Variants in GALNTL6 observed in about 807,000 individuals in gnomAD.
GALNTL6 encodes the protein polypeptide N-acetylgalactosaminyltransferase like 6, also known as polypeptide N-acetylgalactosaminyltransferase-like 6.
A neutral mutation model predicts 73.7 loss-of-function variants in GALNTL6; 46 were observed. The observed-to-expected ratio is 0.62, with a 90% CI of 0.49 to 0.80. GALNTL6 has a LOEUF of 0.80. Ranked by LOEUF, GALNTL6 falls within the 30% of genes least tolerant of loss-of-function variation. The pLI, the probability that GALNTL6 is intolerant of heterozygous loss-of-function variation, is 0.00. For synonymous variants in GALNTL6, 259 were observed against 263.7 expected, an observed-to-expected ratio of 0.98 and a Z score of 0.17; for missense variants, 604 against 755.0, an observed-to-expected ratio of 0.80 and a Z score of 2.34.
intron 5 of GALNTL6, among the ~76,000 whole-genome samples, chr4:172,645,236 A>T (rs1300818745): frequency 1.3e-5 from 2 of 151,930 alleles, no homozygotes; most frequent in Non-Finnish European, 2.9e-5. Flanking sequence ...TTCTTTATTA[A>T]TTCTCTTGAA....
chr4:172,419,668 G>A (rs1730981814), intron 5 of GALNTL6, among the ~76,000 whole-genome samples: 1 of 152,108 alleles, frequency 6.6e-6, no homozygotes, highest in Non-Finnish European at 1.5e-5. Context: ...TGAGAAGTGA[G>A]GACGACATAC....
chr4:172,261,168 C>T (rs1738245415), intron 3 of GALNTL6, among the ~76,000 whole-genome samples: 1 of 151,418 alleles, frequency 6.6e-6, no homozygotes, highest in Admixed American at 6.6e-5. Flanking sequence ...AGAATAGCTT[C>T]AGTAAGATTG....
intron 2 of GALNTL6, among the ~76,000 whole-genome samples, chr4:172,059,180 T>C (rs929968143): frequency 5.9e-5 from 9 of 152,216 alleles, no homozygotes; most frequent in Non-Finnish European, 1.2e-4. Context: ...GGTTTGCTTC[T>C]GCTCGTTTAC....
At chr4:171,829,462 C>G (rs495911) in intron 2 of GALNTL6, among the ~76,000 whole-genome samples, 42,441 of 152,006 alleles carry the variant, frequency 0.28, 6,152 homozygotes, top group Middle Eastern at 0.36. Flanking sequence ...TGATATGCAC[C>G]CACATCCAAT....
At chr4:172,257,197 G>A (rs1240915678) in intron 3 of GALNTL6, among the ~76,000 whole-genome samples, 1 of 151,218 alleles carries the variant, frequency 6.6e-6, no homozygotes, top group African/African-American at 2.4e-5. Flanking sequence ...TTGAAAAATG[G>A]CTTGTGTAGT....
At chr4:172,896,333 C>T (rs1746329027) in intron 8 of GALNTL6, among the ~76,000 whole-genome samples, 3 of 152,226 alleles carry the variant, frequency 2.0e-5, no homozygotes, top group Admixed American at 2.0e-4. Flanking sequence ...ATAATCACTG[C>T]AGCCATTTCA....
At chr4:172,973,151 C>T (rs891713954) in intron 10 of GALNTL6, among the ~76,000 whole-genome samples, 2 of 152,160 alleles carry the variant, frequency 1.3e-5, no homozygotes, top group African/African-American at 4.8e-5. Context: ...AAATGGTCCT[C>T]ATTAGATAAT....
At chr4:172,051,487 T>C (rs1730861029) in intron 2 of GALNTL6, among the ~76,000 whole-genome samples, 1 of 152,060 alleles carries the variant, frequency 6.6e-6, no homozygotes, top group Non-Finnish European at 1.5e-5. Context: ...GGAGCTGGAA[T>C]GGGGATGGGG....
Position 173,027,964 on chromosome 4 carries a change from G to A in GALNTL6, c.1638+6339G>A, listed in dbSNP as rs557988456. Among the ~76,000 whole-genome samples, 14 of 152,216 alleles carry A rather than the reference G, an allele frequency of 9.2e-5. 1 individual carries two copies. In the East Asian group the frequency reaches 1.5e-3, roughly 17 times the overall value. On this transcript the variant is annotated intron_variant, in intron 12 of 12. Coordinates refer to ENST00000506823, the MANE Select transcript of GALNTL6 (RefSeq NM_001034845.3). ...AAAGCACAAAATAGGAATAAATCAC[G>A]GCAAAGATGTGAAAGACTTTTATGC...
At chr4:172,437,840 A>G (rs1731688700) in intron 5 of GALNTL6, among the ~76,000 whole-genome samples, 1 of 152,104 alleles carries the variant, frequency 6.6e-6, no homozygotes. Flanking sequence ...TCTGAGTCCC[A>G]GAATTTTTAT....
At chr4:172,299,151 G>T (rs1256944938) in intron 3 of GALNTL6, among the ~76,000 whole-genome samples, 1 of 152,310 alleles carries the variant, frequency 6.6e-6, no homozygotes, top group African/African-American at 2.4e-5. Context: ...TAGTTTATTT[G>T]TGTAGAGGTG....
At chr4:172,871,534 AT>A (rs1744930980) in intron 7 of GALNTL6, among the ~76,000 whole-genome samples, 1 of 150,932 alleles carries the variant, frequency 6.6e-6, no homozygotes, top group Non-Finnish European at 1.5e-5. Context: ...CAGGCTTCAC[AT>A]TCACACTTTT....
intron 5 of GALNTL6, among the ~76,000 whole-genome samples, chr4:172,454,765 T>A (rs1169356218): frequency 6.6e-6 from 1 of 152,222 alleles, no homozygotes; most frequent in Non-Finnish European, 1.5e-5. Context: ...TCAGACTAGT[T>A]CAAATAGTCT....
intron 5 of GALNTL6, among the ~76,000 whole-genome samples, chr4:172,681,198 G>A (rs1168237362): frequency 1.3e-5 from 2 of 152,030 alleles, no homozygotes; most frequent in African/African-American, 2.4e-5. Flanking sequence ...AACCTCCCCA[G>A]GTTTGTTCCT....
intron 2 of GALNTL6, among the ~76,000 whole-genome samples, chr4:172,193,217 G>T (rs1016741118): frequency 5.3e-5 from 8 of 152,204 alleles, no homozygotes; most frequent in African/African-American, 1.7e-4. Flanking sequence ...TCCTGACTGG[G>T]TGAGACCCCC....
chr4:172,038,767 G>T (rs1169555404), intron 2 of GALNTL6, among the ~76,000 whole-genome samples: 1 of 152,080 alleles, frequency 6.6e-6, no homozygotes, highest in African/African-American at 2.4e-5. Flanking sequence ...TTTTTAAATG[G>T]ATAAGTGAAA....
At chr4:172,612,399 G>A (rs995659366) in intron 5 of GALNTL6, among the ~76,000 whole-genome samples, 3 of 152,066 alleles carry the variant, frequency 2.0e-5, no homozygotes, top group African/African-American at 7.2e-5. Flanking sequence ...TATAGTCTTG[G>A]AGCACATTAA....
At chr4:171,852,162 A>C (rs923931839) in intron 2 of GALNTL6, among the ~76,000 whole-genome samples, 3 of 152,196 alleles carry the variant, frequency 2.0e-5, no homozygotes, top group South Asian at 2.1e-4. Context: ...TTCAATTAAC[A>C]AGTTAGATTT....
intron 4 of GALNTL6, among the ~76,000 whole-genome samples, chr4:172,319,344 C>T (rs570509380): frequency 2.0e-5 from 3 of 152,276 alleles, no homozygotes; most frequent in East Asian, 1.9e-4. Flanking sequence ...AGATATATCA[C>T]GTATTCTCTT....
Sources: allele counts gnomAD v4.1 joint callset (sites outside exome capture counted in the v4.1 genomes callset), GRCh38; gene constraint gnomAD v4.1.1; transcripts MANE v1.5; gene names NCBI Gene and HGNC (gene_info 2026-07-23, HGNC 2026-07-21).